The following SLC24A2 variants were observed in gnomAD, a reference collection of about 807,000 sequenced individuals.
SLC24A2 encodes the protein solute carrier family 24 member 2, also known as sodium/potassium/calcium exchanger 2.
In SLC24A2, 36 loss-of-function variants were observed where a neutral mutation model predicts 62.0. The observed-to-expected ratio is 0.58, with a 90% CI of 0.44 to 0.77. The LOEUF is 0.77. SLC24A2 is among the 30% of genes least tolerant of loss of function. The pLI, the probability that SLC24A2 is intolerant of heterozygous loss-of-function variation, is 0.00. For missense variants in SLC24A2, 846 were observed against 817.9 expected, an observed-to-expected ratio of 1.03 and a Z score of -0.42; for synonymous variants, 358 against 294.0, an observed-to-expected ratio of 1.22 and a Z score of -2.23.
In SLC24A2 at chr9:19,691,073, G is replaced by A. The variant is rs78283296; in HGVS notation, c.931-68774C>T. ...CCCAAGATAATTTCAGGCCCCAGAC[G>A]TCCAGCACAAGGTGTTCCACTCAAT... On this transcript the variant is annotated intron_variant, in intron 2 of 10. Transcript: ENST00000341998. Among the ~76,000 whole-genome samples the A allele has an allele frequency of 1.7e-3, 258 of 152,212 alleles. 1 individual carries two copies. The highest frequency in any genetic ancestry group is 5.8e-3 in the African/African-American group (241 of 41,544).
At chr9:19,561,315 A>G (rs867834856) in intron 7 of SLC24A2, among the ~76,000 whole-genome samples, 1 of 144,886 alleles carries the variant, frequency 6.9e-6, no homozygotes, top group Admixed American at 6.7e-5. Flanking sequence ...TCCATAAGAT[A>G]AGTGAAAAAG....
At chr9:19,533,396 T>A (rs986717223) in intron 8 of SLC24A2, among the ~76,000 whole-genome samples, 14 of 152,204 alleles carry the variant, frequency 9.2e-5, no homozygotes, top group Non-Finnish European at 1.8e-4. Context: ...ACTTTGCTGC[T>A]CCTCTCATCA....
the SLC24A2 span, among the ~76,000 whole-genome samples, chr9:19,931,615 C>G: frequency 6.6e-6 from 1 of 152,112 alleles, no homozygotes; most frequent in Non-Finnish European, 1.5e-5. Context: ...ATATTTAAAT[C>G]ACAGGCAAAA....
chr9:20,264,057 A>G, the SLC24A2 span, among the ~76,000 whole-genome samples: 4 of 152,122 alleles, frequency 2.6e-5, no homozygotes, highest in African/African-American at 9.7e-5. Flanking sequence ...CCTCCTGCCA[A>G]TCTGACTTCT....
chr9:19,890,437 T>C, the SLC24A2 span, among the ~76,000 whole-genome samples: 2 of 152,204 alleles, frequency 1.3e-5, no homozygotes, highest in Non-Finnish European at 2.9e-5. Context: ...TGGGCAATTT[T>C]CTGCCCTCAT....
intron 7 of SLC24A2, among the ~76,000 whole-genome samples, chr9:19,568,211 G>A (rs190668754): frequency 5.1e-4 from 77 of 152,224 alleles, no homozygotes; most frequent in African/African-American, 1.6e-3. Context: ...ATCATCCCGC[G>A]TTCACATTTT....
chr9:19,899,878 GA>G, the SLC24A2 span, among the ~76,000 whole-genome samples: 7 of 152,164 alleles, frequency 4.6e-5, no homozygotes, highest in Non-Finnish European at 1.0e-4. Flanking sequence ...CTGCCCCCAT[GA>G]TTCGATTACC....
At chr9:20,267,852 G>C in the SLC24A2 span, among the ~76,000 whole-genome samples, 1 of 152,130 alleles carries the variant, frequency 6.6e-6, no homozygotes, top group Non-Finnish European at 1.5e-5. Flanking sequence ...TGAGTCAATC[G>C]TGTAAGGAGT....
the SLC24A2 span, among the ~76,000 whole-genome samples, chr9:19,856,819 G>T: frequency 6.6e-6 from 1 of 152,164 alleles, no homozygotes; most frequent in Non-Finnish European, 1.5e-5. Context: ...CCCCATGGTG[G>T]ATCGGTTGCG....
intron 4 of SLC24A2, among the ~76,000 whole-genome samples, chr9:19,619,262 A>G (rs1817847299): frequency 6.6e-6 from 1 of 152,232 alleles, no homozygotes; most frequent in Admixed American, 6.5e-5. Flanking sequence ...TGATGACAAA[A>G]GAGAACTGTT....
intron 6 of SLC24A2, among the ~76,000 whole-genome samples, chr9:19,574,088 G>T (rs574594532): frequency 9.9e-5 from 15 of 152,214 alleles, no homozygotes; most frequent in Non-Finnish European, 1.8e-4. Flanking sequence ...GAAATAAGAG[G>T]GTTCGACAGG....
the SLC24A2 span, among the ~76,000 whole-genome samples, chr9:20,219,955 C>A: frequency 6.6e-6 from 1 of 151,982 alleles, no homozygotes; most frequent in Admixed American, 6.6e-5. Flanking sequence ...TCTATCCTAC[C>A]TACCATACAG....
chr9:20,048,773 T>C, the SLC24A2 span, among the ~76,000 whole-genome samples: 1 of 151,858 alleles, frequency 6.6e-6, no homozygotes, highest in African/African-American at 2.4e-5. Context: ...ATATTTCCAG[T>C]GTGAAAAGAT....
At chr9:20,001,807 G>C in the SLC24A2 span, among the ~76,000 whole-genome samples, 2 of 152,126 alleles carry the variant, frequency 1.3e-5, no homozygotes, top group Non-Finnish European at 2.9e-5. Context: ...GCTTCACAAA[G>C]CAACACCTAC....
chr9:19,624,466 A>G (rs762852302), intron 2 of SLC24A2, among the ~76,000 whole-genome samples: 7 of 152,186 alleles, frequency 4.6e-5, no homozygotes, highest in Non-Finnish European at 1.0e-4. Flanking sequence ...TTTGGTCTGA[A>G]AAGAAGAAAA....
chr9:20,185,368 A>T, the SLC24A2 span, among the ~76,000 whole-genome samples: 1 of 151,992 alleles, frequency 6.6e-6, no homozygotes, highest in African/African-American at 2.4e-5. Flanking sequence ...AATAAATTTT[A>T]AAAAAAGAAA....
chr9:19,682,070 C>G (rs1269799245), intron 2 of SLC24A2, among the ~76,000 whole-genome samples: 1 of 152,098 alleles, frequency 6.6e-6, no homozygotes, highest in Non-Finnish European at 1.5e-5. Flanking sequence ...ATGCAGTTCT[C>G]TCTGCCATGG....
chr9:20,142,205 G>A, the SLC24A2 span, among the ~76,000 whole-genome samples: 6 of 152,166 alleles, frequency 3.9e-5, no homozygotes, highest in South Asian at 2.1e-4. Flanking sequence ...TCTTCGAAGA[G>A]TTCTGCAGGA....
chr9:19,820,619 A>G, the SLC24A2 span, among the ~76,000 whole-genome samples: 1 of 152,018 alleles, frequency 6.6e-6, no homozygotes, highest in African/African-American at 2.4e-5. Flanking sequence ...AATTAAAAAA[A>G]TTACCAGGGT....
Sources: gnomAD v4.1 joint callset for allele counts (sites outside exome capture counted in the v4.1 genomes callset) on GRCh38, gnomAD v4.1.1 for gene constraint, MANE v1.5 for transcripts, NCBI Gene and HGNC (gene_info 2026-07-23, HGNC 2026-07-21) for gene names.